MTUS2: variants seen among roughly 807,000 people sequenced by gnomAD.
MTUS2 encodes the protein microtubule associated scaffold protein 2.
Under a neutral mutation model 114.1 loss-of-function variants are expected in MTUS2, and 40 were observed. The observed-to-expected ratio is 0.35, with a 90% CI of 0.27 to 0.46. The LOEUF (loss-of-function observed/expected upper bound fraction) is 0.46. MTUS2 is among the 20% of genes least tolerant of loss of function. The pLI is 1.00. For synonymous variants in MTUS2, 688 were observed against 672.0 expected (o/e 1.02, Z -0.37); for missense variants, 1,679 against 1,705.4 (o/e 0.98, Z 0.27).
intron 5 of MTUS2, among the ~76,000 whole-genome samples, chr13:29,102,487 T>C (rs185444534): frequency 1.9e-4 from 29 of 152,284 alleles, no homozygotes; most frequent in African/African-American, 6.7e-4. Context: ...TCTTCTCACC[T>C]CTGCTTCAGA....
chr13:29,240,451 A>AC (rs1330782072), intron 5 of MTUS2, among the ~76,000 whole-genome samples: 2 of 152,232 alleles, frequency 1.3e-5, no homozygotes, highest in African/African-American at 4.8e-5. Flanking sequence ...ATGATGATGG[A>AC]AAGACTCAGT....
At chr13:28,972,771 A>T (rs1883911566) in intron 2 of MTUS2, among the ~76,000 whole-genome samples, 1 of 152,130 alleles carries the variant, frequency 6.6e-6, no homozygotes, top group African/African-American at 2.4e-5. Context: ...TTGTTTTGTG[A>T]ATTATTTAAA....
chr13:29,272,157 G>T (rs1023920946), intron 5 of MTUS2, among the ~76,000 whole-genome samples: 4 of 152,110 alleles, frequency 2.6e-5, no homozygotes, highest in Admixed American at 6.5e-5. Flanking sequence ...AAAATATGCA[G>T]AATGGGGAAA....
chr13:29,136,244 T>C (rs558280494), intron 5 of MTUS2, among the ~76,000 whole-genome samples: 1 of 152,348 alleles, frequency 6.6e-6, no homozygotes, highest in Non-Finnish European at 1.5e-5. Flanking sequence ...ATATCTTAAT[T>C]TCTCCTCACT....
intron 8 of MTUS2, among the ~76,000 whole-genome samples, chr13:29,385,704 A>G (rs1237413885): frequency 6.6e-6 from 1 of 152,120 alleles, no homozygotes; most frequent in Admixed American, 6.5e-5. Context: ...GTAGAGCTGC[A>G]GTGTTCTGAG....
chr13:29,011,812 CCT>C, intron 2 of MTUS2, among the ~76,000 whole-genome samples: 1 of 152,156 alleles, frequency 6.6e-6, no homozygotes, highest in East Asian at 1.9e-4. Context: ...TTTGCACTCA[CCT>C]GTGCAGTTTA....
Position 29,050,610 on chromosome 13 carries a change from C to T in MTUS2, c.2446+16485C>T, listed in dbSNP as rs891238485. Among the ~76,000 whole-genome samples, 12 of 152,348 alleles carry T rather than the reference C, an allele frequency of 7.9e-5. No individual in the cohort carries two copies. In the East Asian group the frequency reaches 2.3e-3, roughly 29 times the overall value. ...GTCATCTTACCCCCCTCTTCACACC[C>T]AGCTTCACCACCAGTGAACACAGGG... On this transcript the variant is annotated intron_variant, in intron 4 of 15. Coordinates refer to ENST00000612955, the MANE Select transcript of MTUS2 (RefSeq NM_001033602.4).
At chr13:29,087,847 A>G (rs1348941734) in intron 4 of MTUS2, among the ~76,000 whole-genome samples, 1 of 152,110 alleles carries the variant, frequency 6.6e-6, no homozygotes, top group Non-Finnish European at 1.5e-5. Context: ...TCACAAGGTC[A>G]GGAGATTGAG....
intron 2 of MTUS2, among the ~76,000 whole-genome samples, chr13:28,924,999 G>A (rs1039707819): frequency 7.2e-5 from 11 of 151,958 alleles, no homozygotes; most frequent in Non-Finnish European, 1.3e-4. Flanking sequence ...GACTGATTCC[G>A]TTGTACACTA....
intron 7 of MTUS2, among the ~76,000 whole-genome samples, chr13:29,332,531 G>T (rs747211288): frequency 1.2e-3 from 175 of 149,718 alleles, no homozygotes; most frequent in Admixed American, 1.9e-3. Flanking sequence ...TGATTTTTTT[G>T]AAGGGTTTTT....
At chr13:28,985,422 T>G (rs560298744) in intron 2 of MTUS2, among the ~76,000 whole-genome samples, 1 of 152,312 alleles carries the variant, frequency 6.6e-6, no homozygotes, top group South Asian at 2.1e-4. Context: ...ATTCAATAAG[T>G]GATAATTTGG....
At chr13:29,254,878 C>T (rs1024667903) in intron 5 of MTUS2, among the ~76,000 whole-genome samples, 3 of 152,224 alleles carry the variant, frequency 2.0e-5, no homozygotes, top group African/African-American at 7.2e-5. Flanking sequence ...GTAATCAACT[C>T]TACACAGATA....
intron 5 of MTUS2, among the ~76,000 whole-genome samples, chr13:29,153,413 C>A (rs2139047134): frequency 6.6e-6 from 1 of 152,342 alleles, no homozygotes; most frequent in African/African-American, 2.4e-5. Flanking sequence ...GGCTGCCTGG[C>A]ACAACCCCTC....
intron 4 of MTUS2, among the ~76,000 whole-genome samples, chr13:29,083,824 A>G (rs1889551603): frequency 6.6e-6 from 1 of 152,148 alleles, no homozygotes; most frequent in Non-Finnish European, 1.5e-5. Context: ...GTATATGTCA[A>G]ATTCTTAATT....
intron 8 of MTUS2, among the ~76,000 whole-genome samples, chr13:29,400,273 CTCCATGTTTAGT>C (rs1433787950): frequency 1.3e-5 from 2 of 152,204 alleles, no homozygotes; most frequent in Non-Finnish European, 2.9e-5. Context: ...GGATATATAT[CTCCATGTTTAGT>C]TACACATGTA....
intron 5 of MTUS2, among the ~76,000 whole-genome samples, chr13:29,147,068 AG>A (rs1293206890): frequency 6.6e-6 from 1 of 152,232 alleles, no homozygotes; most frequent in Non-Finnish European, 1.5e-5. Context: ...TGTATGTAAA[AG>A]AAGTTCAAAT....
At chr13:29,118,137 C>A (rs892796084) in intron 5 of MTUS2, among the ~76,000 whole-genome samples, 1 of 151,972 alleles carries the variant, frequency 6.6e-6, no homozygotes, top group African/African-American at 2.4e-5. Flanking sequence ...ATGTACGTTG[C>A]CTTGAGAGAG....
At chr13:28,969,649 C>T (rs1883762729) in intron 2 of MTUS2, among the ~76,000 whole-genome samples, 1 of 151,798 alleles carries the variant, frequency 6.6e-6, no homozygotes, top group African/African-American at 2.4e-5. Context: ...ATTACAGGTA[C>T]GTGCAGCACC....
intron 5 of MTUS2, among the ~76,000 whole-genome samples, chr13:29,173,638 G>T (rs1212597571): frequency 1.3e-5 from 2 of 152,036 alleles, no homozygotes; most frequent in African/African-American, 4.8e-5. Flanking sequence ...AATGATTAGG[G>T]TGGAAATAGC....
Sources: allele counts gnomAD v4.1 joint callset (sites outside exome capture counted in the v4.1 genomes callset), GRCh38; gene constraint gnomAD v4.1.1; transcripts MANE v1.5; gene names NCBI Gene and HGNC (gene_info 2026-07-23, HGNC 2026-07-21).